The following KMT2C variants were observed in gnomAD, a reference collection of about 807,000 sequenced individuals.
The protein encoded by KMT2C is histone-lysine N-methyltransferase 2C.
In KMT2C, 88 loss-of-function variants were observed where a neutral mutation model predicts 507.9. The observed-to-expected ratio is 0.17, with a 90% CI of 0.15 to 0.21. The LOEUF (loss-of-function observed/expected upper bound fraction) is 0.21, where lower values mean the gene tolerates loss of function less well. KMT2C is among the 10% of genes least tolerant of loss of function. KMT2C has a pLI of 1.00. For synonymous variants in KMT2C, 2,049 were observed against 2,080.8 expected (o/e 0.98, Z 0.42); for missense variants, 4,954 against 5,957.8 (o/e 0.83, Z 5.55).
At chr7:152,179,662 G>T (rs1365999197) in intron 37 of KMT2C, among the ~76,000 whole-genome samples, 172 bp downstream of exon 37, 5 of 46,526 alleles carry the variant, frequency 1.1e-4, no homozygotes, top group African/African-American at 1.0e-3. Flanking sequence ...AAGAGGTTGG[G>T]GGGGGGGGGG....
At position 152,154,108 on chromosome 7, in the gene KMT2C, C is replaced by T. The variant is rs1563166026; in HGVS notation, c.12178G>A (p.Gly4060Ser). ...SRRNDIKTEP[G>S]TLYFASPFGP... Reference sequence around the variant, plus strand: ...AAAGGTGACGCAAAATATAAAGTGCCTGGCTCAGTTTTGATGTCATTCCTT... The same window carrying T: ...AAAGGTGACGCAAAATATAAAGTGCTTGGCTCAGTTTTGATGTCATTCCTT... Residue 4060 changes from glycine (G) to serine (S), a missense_variant, in exon 48 of 59, where the codon GGC becomes AGC. Physicochemically the swap from Gly to Ser is moderately conservative, Grantham distance 56. Coordinates refer to ENST00000262189, the MANE Select transcript of KMT2C (RefSeq NM_170606.3). 1.2e-6 allele frequency: 2 copies of T among 1,614,078 alleles called. No individual in the cohort carries two copies. The highest frequency in any genetic ancestry group is 1.7e-6 in the Non-Finnish European group (2 of 1,180,012).
intron 6 of KMT2C, among the ~76,000 whole-genome samples, chr7:152,278,623 T>C (rs2096135804): frequency 6.9e-6 from 1 of 145,406 alleles, no homozygotes; most frequent in Non-Finnish European, 1.5e-5. Flanking sequence ...CACAGTGACA[T>C]ACACAATTCA....
intron 6 of KMT2C, among the ~76,000 whole-genome samples, chr7:152,297,103 A>C (rs954111897): frequency 2.9e-5 from 4 of 139,468 alleles, no homozygotes; most frequent in South Asian, 4.5e-4. Context: ...GAAAGAAAGA[A>C]AGACGTGAAT....
chr7:152,300,125 A>G (rs1285903674), intron 6 of KMT2C, among the ~76,000 whole-genome samples: 1 of 152,226 alleles, frequency 6.6e-6, no homozygotes. Flanking sequence ...ATACTATACA[A>G]CACTCTTACT....
intron 16 of KMT2C, among the ~76,000 whole-genome samples, chr7:152,234,577 A>C (rs1174771495): frequency 6.6e-6 from 1 of 152,120 alleles, no homozygotes; most frequent in African/African-American, 2.4e-5. Flanking sequence ...TTATGCTGAT[A>C]CCAAAACCAG....
Position 152,247,753 on chromosome 7 carries a change from T to C in KMT2C, c.2532+149A>G, listed in dbSNP as rs530786925. Reference sequence around the variant, plus strand: ...TTCTTCATTAACAGCATTTAAAAAATAATGGCTGAAACACATAATCAACAT... The same window carrying C: ...TTCTTCATTAACAGCATTTAAAAAACAATGGCTGAAACACATAATCAACAT... On this transcript the variant is annotated intron_variant, in intron 14 of 58. Transcript: ENST00000262189. The C allele has an allele frequency of 2.5e-4, 160 of 647,788 alleles. No individual in the cohort carries two copies. In the African/African-American group the frequency reaches 2.6e-3, roughly 10 times the overall value. The allele number at this position is 647,788 out of a possible 1,614,324, so 40.1% of individuals were successfully genotyped here.
intron 41 of KMT2C, 97 bp from the exon 42 acceptor site, chr7:152,167,475 AC>A: frequency 1.4e-6 from 1 of 733,198 alleles, no homozygotes; most frequent in Non-Finnish European, 2.3e-6. Context: ...TTTCACCATG[AC>A]CACATAATAG....
At chr7:152,347,644 C>A (rs1374911342) in intron 2 of KMT2C, among the ~76,000 whole-genome samples, 1 of 152,118 alleles carries the variant, frequency 6.6e-6, no homozygotes, top group Non-Finnish European at 1.5e-5. Flanking sequence ...GTTTACATTT[C>A]TCTCAATTGC....
intron 1 of KMT2C, among the ~76,000 whole-genome samples, chr7:152,380,324 T>C (rs1323469832): frequency 1.3e-5 from 2 of 151,822 alleles, no homozygotes; most frequent in Non-Finnish European, 2.9e-5. Flanking sequence ...TCCCAGCACT[T>C]TGGGAGGCCG....
At chr7:152,182,622 C>T (rs768727578) in intron 35 of KMT2C, 28 bp from the exon 36 acceptor site, 8 of 1,518,256 alleles carry the variant, frequency 5.3e-6, no homozygotes, top group Non-Finnish European at 7.0e-6. Context: ...AAAAAGCAAT[C>T]ATATTTAGGT....
In KMT2C at chr7:152,345,520, G is replaced by GTGTT. The variant is rs375976664; in HGVS notation, c.250+13063_250+13066dup. Among the ~76,000 whole-genome samples, 100 of 152,222 alleles carry GTGTT rather than the reference G, an allele frequency of 6.6e-4. 1 individual carries two copies. The highest frequency in any genetic ancestry group is 1.8e-3 in the African/African-American group (74 of 41,558). ...AAGACAGAAATTGTTATAATAGGTT[G>GTGTT]TGTTTGTTTGTTTGTTTGTTTTGAG... On this transcript the variant is annotated intron_variant, in intron 2 of 58. Coordinates refer to ENST00000262189, the MANE Select transcript of KMT2C (RefSeq NM_170606.3).
In KMT2C at chr7:152,271,700, A is replaced by G. The variant is rs1016093482; in HGVS notation, c.1012+2005T>C. On this transcript the variant is annotated intron_variant, in intron 7 of 58. Transcript: ENST00000262189. ...AAAAAAAAAAAAAAAAAAAAACCCC[A>G]AAGAAATCTAATTTAGTCATTTAGG... is the stretch of plus-strand genomic sequence containing the variant. Among the ~76,000 whole-genome samples the G allele has an allele frequency of 1.3e-4, 20 of 148,552 alleles. No homozygotes were observed. In the East Asian group the frequency reaches 3.6e-3, roughly 26 times the overall value.
intron 3 of KMT2C, among the ~76,000 whole-genome samples, chr7:152,317,300 C>T (rs980681520): frequency 6.6e-6 from 1 of 152,042 alleles, no homozygotes; most frequent in Non-Finnish European, 1.5e-5. Context: ...TCAAACACCT[C>T]AGAGTAATTT....
chr7:152,435,150 C>G (rs969425185), intron 1 of KMT2C, among the ~76,000 whole-genome samples: 1 of 152,148 alleles, frequency 6.6e-6, no homozygotes, highest in Non-Finnish European at 1.5e-5. Flanking sequence ...CCGCTTTCTT[C>G]TCGCCCCCAG....
intron 6 of KMT2C, among the ~76,000 whole-genome samples, chr7:152,288,036 A>G (rs2096336649): frequency 6.6e-6 from 1 of 150,816 alleles, no homozygotes; most frequent in Non-Finnish European, 1.5e-5. Flanking sequence ...AAAAAAAAAA[A>G]AAAAAAAAAG....
chr7:152,238,096 A>C (rs4024409), intron 15 of KMT2C, among the ~76,000 whole-genome samples: 3 of 152,306 alleles, frequency 2.0e-5, no homozygotes, highest in Non-Finnish European at 4.4e-5. Flanking sequence ...TGATTAGTCT[A>C]AATTAAACAG....
At chr7:152,228,056 C>T (rs1270882074) in intron 18 of KMT2C, among the ~76,000 whole-genome samples, 2 of 152,136 alleles carry the variant, frequency 1.3e-5, no homozygotes, top group African/African-American at 4.8e-5. Context: ...ATTTAATTTG[C>T]CTTTTTTCAC....
chr7:152,191,852 A>G lies in KMT2C; in HGVS notation c.4660+2157T>C, dbSNP rs1588087385. Among the ~76,000 whole-genome samples the G allele has an allele frequency of 3.3e-5, 5 of 152,312 alleles. No individual in the cohort carries two copies. In the East Asian group the frequency reaches 9.6e-4, roughly 29 times the overall value. The stretch of plus-strand genomic sequence containing the variant: ...TAACTTGATCATGCTTTGCCCTTAC[A>G]TTAGAACTACTATTCCTTCAAACAA... On this transcript the variant is annotated intron_variant, in intron 31 of 58. Transcript: ENST00000262189.
Position 152,248,341 on chromosome 7 carries a change from G to T in KMT2C, c.2093C>A (p.Thr698Asn), listed in dbSNP as rs764211019. The T allele has an allele frequency of 6.2e-7, 1 of 1,613,802 alleles. No homozygotes were observed. The highest frequency in any genetic ancestry group is 8.5e-7 in the Non-Finnish European group (1 of 1,179,838). Reference sequence around the variant, plus strand: ...ACTTTCCTCATGTGGGGACACTAAGGTTTCTAGTGGAAGAGTGACAGATTC... The same window carrying T: ...ACTTTCCTCATGTGGGGACACTAAGTTTTCTAGTGGAAGAGTGACAGATTC... ...VMESVTLPLE[T>N]LVSPHEESIS... Residue 698 changes from threonine to asparagine, a missense_variant, in exon 14 of 59, where the codon ACC (threonine) becomes AAC (asparagine). By Grantham distance (65) the Thr-to-Asn change is moderately conservative (BLOSUM62 0). Transcript: ENST00000262189.
Sources: gnomAD v4.1 joint callset for allele counts (sites outside exome capture counted in the v4.1 genomes callset) on GRCh38, gnomAD v4.1.1 for gene constraint, MANE v1.5 for transcripts, NCBI Gene and HGNC (gene_info 2026-07-23, HGNC 2026-07-21) for gene names.